Variants in SLC16A10 observed in about 807,000 individuals in gnomAD.
SLC16A10 encodes the protein monocarboxylate transporter 10.
Under a neutral mutation model 40.0 loss-of-function variants are expected in SLC16A10, and 27 were observed. That is an observed-to-expected ratio of 0.67 (90% CI 0.50 to 0.93). The LOEUF (loss-of-function observed/expected upper bound fraction) is 0.93. Ranked by LOEUF, SLC16A10 falls within the 40% of genes least tolerant of loss-of-function variation. The pLI, the probability that SLC16A10 is intolerant of heterozygous loss-of-function variation, is 0.00. For synonymous variants in SLC16A10, 213 were observed against 249.8 expected, an observed-to-expected ratio of 0.85 and a Z score of 1.39; for missense variants, 529 against 658.2, an observed-to-expected ratio of 0.80 and a Z score of 2.15.
intron 1 of SLC16A10, among the ~76,000 whole-genome samples, chr6:111,151,785 G>A (rs1417874965): frequency 6.6e-6 from 1 of 152,180 alleles, no homozygotes; most frequent in Non-Finnish European, 1.5e-5. Context: ...TACATGGAAT[G>A]TTCCTGCCTC....
In SLC16A10 at chr6:111,222,162, T is replaced by A. The variant is rs183836560; in HGVS notation, c.1475T>A (p.Met492Lys). 9.1e-5 allele frequency: 146 copies of A among 1,607,040 alleles called. No homozygotes were observed. The highest frequency in any genetic ancestry group is 3.3e-4 in the Middle Eastern group (2 of 6,052). Residue 492 changes from methionine to lysine, a missense_variant, in exon 6 of 6, where the codon ATG becomes AAG. By Grantham distance (95) the Met-to-Lys change is moderately conservative. Transcript: ENST00000368851. ...ACTGGAAAAGAAAAGATGGAGAAAA[T>A]GTTGGAAAACCAGAACTCTCTGCTG... ...KTTGKEKMEK[M>K]LENQNSLLSS...
intron 1 of SLC16A10, among the ~76,000 whole-genome samples, chr6:111,167,832 C>T (rs1772505973): frequency 6.6e-6 from 1 of 151,792 alleles, no homozygotes; most frequent in African/African-American, 2.4e-5. Flanking sequence ...CCATGCCCAG[C>T]TAGTTTTTAA....
At position 111,180,749 on chromosome 6, in the gene SLC16A10, G is replaced by A. The variant is rs527450375; in HGVS notation, c.942+3084G>A. On this transcript the variant is annotated intron_variant, in intron 3 of 5. Coordinates refer to ENST00000368851, the MANE Select transcript of SLC16A10 (RefSeq NM_018593.5). The stretch of plus-strand genomic sequence containing the variant: ...TGGAGCCCAGGAGTTCAAGGCTGTG[G>A]TGTGCTATGATTGTGCCACTGCACG... Among the ~76,000 whole-genome samples, 17 of 152,174 alleles carry A rather than the reference G, an allele frequency of 1.1e-4. 1 individual carries two copies. The South Asian group carries it at 1.2e-3, about 11-fold the overall frequency.
chr6:111,152,925 G>A (rs1772198188), intron 1 of SLC16A10, among the ~76,000 whole-genome samples: 1 of 152,202 alleles, frequency 6.6e-6, no homozygotes, highest in Non-Finnish European at 1.5e-5. Context: ...CAACATTTAA[G>A]AAACCCAGAT....
intron 1 of SLC16A10, among the ~76,000 whole-genome samples, chr6:111,095,097 C>T (rs930105388): frequency 3.3e-5 from 5 of 152,230 alleles, no homozygotes. Context: ...ATGTCAAACT[C>T]CCTACTCCGA....
At chr6:111,120,920 G>A (rs1360912628) in intron 1 of SLC16A10, among the ~76,000 whole-genome samples, 2 of 152,126 alleles carry the variant, frequency 1.3e-5, no homozygotes, top group Non-Finnish European at 2.9e-5. Context: ...CACTGAAATA[G>A]AGCTTATTTT....
chr6:111,133,283 A>G (rs1771817499), intron 1 of SLC16A10, among the ~76,000 whole-genome samples: 1 of 152,214 alleles, frequency 6.6e-6, no homozygotes, highest in African/African-American at 2.4e-5. Flanking sequence ...CTGGAAAGGA[A>G]TAAACATTAG....
Position 111,206,661 on chromosome 6 carries a change from A to T in SLC16A10, c.1012A>T (p.Thr338Ser). 6.2e-7 allele frequency: 1 copy of T among 1,614,210 alleles called. No homozygotes were observed. Among genetic ancestry groups the T allele is most frequent in the Non-Finnish European group, 8.5e-7 (1 of 1,180,040 alleles). The change falls in exon 4 of 6, where the codon ACT becomes TCT. Residue 338 changes from threonine (T) to serine (S), a missense_variant. By Grantham distance (58) the Thr-to-Ser change is moderately conservative. Transcript: ENST00000368851. ...GGTTGTTCTCATGTGCATTGGCGTC[A>T]CTTCAGGAGTTGGACGACTGCTCTT... ...KEVVLMCIGV[T>S]SGVGRLLFGR...
At chr6:111,159,067 CAAAAAAAAAAA>C (rs548809670) in intron 1 of SLC16A10, among the ~76,000 whole-genome samples, 46 of 23,404 alleles carry the variant, frequency 2.0e-3, no homozygotes, top group African/African-American at 5.4e-3. Context: ...GACCCTGACT[CAAAAAAAAAAA>C]AAAAAAAAAA....
chr6:111,099,191 T>G (rs1026949594), intron 1 of SLC16A10, among the ~76,000 whole-genome samples: 1 of 152,250 alleles, frequency 6.6e-6, no homozygotes, highest in Non-Finnish European at 1.5e-5. Context: ...GTTCATTTTT[T>G]GCAGGGGCAG....
intron 1 of SLC16A10, among the ~76,000 whole-genome samples, chr6:111,116,671 C>T (rs964204664): frequency 2.6e-5 from 4 of 152,322 alleles, no homozygotes; most frequent in South Asian, 4.1e-4. Flanking sequence ...GGATGTACCA[C>T]ATGACTGTAA....
intron 1 of SLC16A10, among the ~76,000 whole-genome samples, chr6:111,155,479 C>T (rs1346507001): frequency 6.6e-6 from 1 of 151,942 alleles, no homozygotes; most frequent in South Asian, 2.1e-4. Flanking sequence ...GGATTACAGA[C>T]GTAAGCCACC....
At chr6:111,131,844 G>C (rs1433147649) in intron 1 of SLC16A10, among the ~76,000 whole-genome samples, 1 of 152,308 alleles carries the variant, frequency 6.6e-6, no homozygotes, top group South Asian at 2.1e-4. Flanking sequence ...TCAGCCATGC[G>C]TGCACCCCTA....
chr6:111,196,469 G>C (rs145940836), intron 3 of SLC16A10, among the ~76,000 whole-genome samples: 3 of 152,210 alleles, frequency 2.0e-5, no homozygotes, highest in Non-Finnish European at 2.9e-5. Context: ...AGGCAACAGC[G>C]AGACCCCATC....
At chr6:111,159,677 C>T (rs998148698) in intron 1 of SLC16A10, among the ~76,000 whole-genome samples, 1 of 152,170 alleles carries the variant, frequency 6.6e-6, no homozygotes, top group Non-Finnish European at 1.5e-5. Context: ...GGAGGAATAG[C>T]TGGGTCATAT....
intron 4 of SLC16A10, among the ~76,000 whole-genome samples, chr6:111,210,774 C>T (rs1469139296): frequency 2.0e-5 from 3 of 152,116 alleles, no homozygotes; most frequent in Non-Finnish European, 2.9e-5. Context: ...CAGTGGTTCA[C>T]GCCTGTAACC....
chr6:111,230,392 TAGAA>T lies in SLC16A10; in HGVS notation c.*8161_*8164del, dbSNP rs918814297. On this transcript the variant is annotated 3_prime_UTR_variant, in exon 6 of 6. Coordinates refer to ENST00000368851, the MANE Select transcript of SLC16A10 (RefSeq NM_018593.5). ...CAATACACACTCTCATTTTCCTAAT[TAGAA>T]AGACTATGCATTCACAATCCAGTAC... 6.6e-6 allele frequency: 1 copy of T among 152,232 alleles called. No individual in the cohort carries two copies. The highest frequency in any genetic ancestry group is 2.4e-5 in the African/African-American group (1 of 41,454). The allele number at this position is 152,232 out of a possible 1,614,324, so 9.4% of individuals were successfully genotyped here. A position where few individuals can be genotyped will look rare whatever the true frequency, so the allele number is the denominator to read the frequency against.
At chr6:111,216,738 A>G (rs1773429196) in intron 4 of SLC16A10, among the ~76,000 whole-genome samples, 1 of 152,154 alleles carries the variant, frequency 6.6e-6, no homozygotes, top group South Asian at 2.1e-4. Context: ...TCCTAAACGA[A>G]TCATAATTTT....
chr6:111,219,058 C>T lies in SLC16A10; in HGVS notation c.1315+16C>T. On this transcript the variant is annotated intron_variant, in intron 5 of 5. Transcript: ENST00000368851. ...CCCATTGCAGGTAAATATAATGATT[C>T]TCCAGTAGTTATATTAATTCATAGT... is the stretch of plus-strand genomic sequence containing the variant. 1.9e-6 allele frequency: 3 copies of T among 1,590,540 alleles called. No homozygotes were observed. Among genetic ancestry groups the T allele is most frequent in the Non-Finnish European group, 2.6e-6 (3 of 1,158,844 alleles).
Sources: allele counts gnomAD v4.1 joint callset (sites outside exome capture counted in the v4.1 genomes callset), GRCh38; gene constraint gnomAD v4.1.1; transcripts MANE v1.5; gene names NCBI Gene and HGNC (gene_info 2026-07-23, HGNC 2026-07-21).